The following UBE2V2 variants were observed in gnomAD, a reference collection of about 807,000 sequenced individuals.
UBE2V2 encodes ubiquitin conjugating enzyme E2 V2.
Under a neutral mutation model 17.2 loss-of-function variants are expected in UBE2V2, and 9 were observed. The observed-to-expected ratio is 0.52, with a 90% CI of 0.32 to 0.91. The LOEUF (loss-of-function observed/expected upper bound fraction) is 0.91. Ranked by LOEUF, UBE2V2 falls within the 40% of genes least tolerant of loss-of-function variation. UBE2V2 has a pLI of 0.04. For missense variants in UBE2V2, 133 were observed against 182.6 expected, an observed-to-expected ratio of 0.73 and a Z score of 1.56; for synonymous variants, 61 against 57.5, an observed-to-expected ratio of 1.06 and a Z score of -0.28.
chr8:48,050,974 T>G (rs2091532968), intron 3 of UBE2V2, among the ~76,000 whole-genome samples: 1 of 152,122 alleles, frequency 6.6e-6, no homozygotes, highest in Admixed American at 6.5e-5. Context: ...GCCTCCCAAG[T>G]ATGTGAGACT....
intron 1 of UBE2V2, among the ~76,000 whole-genome samples, chr8:48,016,590 C>T (rs2091270427): frequency 6.6e-6 from 1 of 151,692 alleles, no homozygotes; most frequent in Non-Finnish European, 1.5e-5. Flanking sequence ...TCAAGCAATT[C>T]TCCTGCCTCA....
At chr8:48,018,003 TG>T (rs2091281904) in intron 1 of UBE2V2, among the ~76,000 whole-genome samples, 1 of 151,808 alleles carries the variant, frequency 6.6e-6, no homozygotes, top group South Asian at 2.1e-4. Context: ...ACCTGGCTAA[TG>T]TTTTGTATTT....
chr8:48,023,921 C>T lies in UBE2V2; in HGVS notation c.16+15451C>T, dbSNP rs145542299. 5.2e-3 allele frequency among the ~76,000 whole-genome samples: 792 copies of T among 152,158 alleles called. 14 individuals are homozygous for T. Among genetic ancestry groups the T allele is most frequent in the African/African-American group, 0.018 (766 of 41,524 alleles). ...TCAATGTTTGAAAGTTTGTTTCAAA[C>T]GTAGTTCACTTTTTCAAAGGCTCTT... On this transcript the variant is annotated intron_variant, in intron 1 of 3. Coordinates refer to ENST00000523111, the MANE Select transcript of UBE2V2 (RefSeq NM_003350.3).
chr8:48,001,248 C>T, the UBE2V2 span, among the ~76,000 whole-genome samples: 2 of 152,162 alleles, frequency 1.3e-5, no homozygotes, highest in African/African-American at 2.4e-5. Context: ...CTGTTCCTTC[C>T]CATGGAAAAT....
intron 1 of UBE2V2, among the ~76,000 whole-genome samples, chr8:48,009,112 T>A (rs1359790351): frequency 6.6e-6 from 1 of 152,216 alleles, no homozygotes; most frequent in Non-Finnish European, 1.5e-5. Flanking sequence ...TCAACTCCTC[T>A]TTCCTACTGA....
intron 1 of UBE2V2, among the ~76,000 whole-genome samples, chr8:48,015,667 C>T (rs748919441): frequency 6.6e-6 from 1 of 152,090 alleles, no homozygotes; most frequent in Non-Finnish European, 1.5e-5. Context: ...CCATCCTAAC[C>T]TCTGGTAACC....
the UBE2V2 span, among the ~76,000 whole-genome samples, chr8:48,001,188 G>A: frequency 5.3e-5 from 8 of 152,178 alleles, no homozygotes; most frequent in South Asian, 2.1e-4. Flanking sequence ...CTCAGAGCCC[G>A]CTTAGCATTG....
upstream of UBE2V2, among the ~76,000 whole-genome samples, chr8:48,003,420 C>T (rs142809772): frequency 3.4e-4 from 52 of 152,126 alleles, no homozygotes; most frequent in East Asian, 3.5e-3. Flanking sequence ...GAACTTTGTC[C>T]TCAACAGGAG....
the UBE2V2 span, among the ~76,000 whole-genome samples, chr8:47,999,687 A>G: frequency 2.0e-5 from 3 of 152,100 alleles, no homozygotes; most frequent in East Asian, 5.8e-4. Context: ...TAAAGCCAGC[A>G]TCTGGTACCA....
chr8:48,037,510 C>T (rs1391807972), intron 1 of UBE2V2, among the ~76,000 whole-genome samples: 1 of 152,204 alleles, frequency 6.6e-6, no homozygotes, highest in Non-Finnish European at 1.5e-5. Context: ...AAAAAGAAAG[C>T]ACTTTGCTCA....
At chr8:48,034,875 TGTG>T (rs1230872879) in intron 1 of UBE2V2, 1 of 192,930 alleles carries the variant, frequency 5.2e-6, no homozygotes, top group Non-Finnish European at 9.5e-6. Context: ...GAGTCACTCA[TGTG>T]GTTGCATCAG....
At chr8:48,046,767 G>T (rs568478199) in intron 2 of UBE2V2, among the ~76,000 whole-genome samples, 59 of 149,390 alleles carry the variant, frequency 3.9e-4, no homozygotes, top group Non-Finnish European at 4.2e-4. Context: ...TGGCTAATTT[G>T]TGTGTGTGTG....
chr8:48,038,095 C>CA (rs1183972289), intron 1 of UBE2V2, among the ~76,000 whole-genome samples: 2 of 152,154 alleles, frequency 1.3e-5, no homozygotes, highest in African/African-American at 4.8e-5. Flanking sequence ...TCCACCCGTC[C>CA]AATCCTCCCT....
chr8:48,058,674 T>A (rs2091589024), intron 3 of UBE2V2, among the ~76,000 whole-genome samples: 1 of 152,040 alleles, frequency 6.6e-6, no homozygotes, highest in East Asian at 1.9e-4. Flanking sequence ...TTATTAAATA[T>A]GATGTTAGCT....
At chr8:48,032,013 A>G (rs1046078670) in intron 1 of UBE2V2, among the ~76,000 whole-genome samples, 61 of 152,294 alleles carry the variant, frequency 4.0e-4, no homozygotes, top group Admixed American at 1.2e-3. Context: ...AAGTGGATAT[A>G]TGTGTTGTAG....
At chr8:48,045,224 A>C (rs931647136) in intron 2 of UBE2V2, among the ~76,000 whole-genome samples, 2 of 152,206 alleles carry the variant, frequency 1.3e-5, no homozygotes, top group Non-Finnish European at 2.9e-5. Context: ...TGAGGCACTT[A>C]TAATAAAAAG....
chr8:48,003,530 A>G (rs1325979434), upstream of UBE2V2, among the ~76,000 whole-genome samples: 2 of 152,104 alleles, frequency 1.3e-5, no homozygotes, highest in African/African-American at 2.4e-5. Context: ...CTGTGTGTGC[A>G]TGTGTGTGAG....
At position 48,058,046 on chromosome 8, in the gene UBE2V2, G is replaced by C. The variant is rs553969401; in HGVS notation, c.292-2636G>C. On this transcript the variant is annotated intron_variant, in intron 3 of 3. Transcript: ENST00000523111. ...AATGTTGAATGGAAGTGATGAGAAC[G>C]GGGCCAGGTGGTGGTGGCGGCTCAT... 4.2e-4 allele frequency among the ~76,000 whole-genome samples: 64 copies of C among 152,276 alleles called. No homozygotes were observed. In the South Asian group the frequency reaches 0.011, roughly 27 times the overall value.
intron 1 of UBE2V2, among the ~76,000 whole-genome samples, chr8:48,018,694 C>T (rs552830345): frequency 6.6e-6 from 1 of 152,242 alleles, no homozygotes; most frequent in African/African-American, 2.4e-5. Flanking sequence ...GCTTAAGTCT[C>T]ATGTTTCCTT....
Sources: allele counts gnomAD v4.1 joint callset (sites outside exome capture counted in the v4.1 genomes callset), GRCh38; gene constraint gnomAD v4.1.1; transcripts MANE v1.5; gene names NCBI Gene and HGNC (gene_info 2026-07-23, HGNC 2026-07-21).